BANP: variants seen among roughly 807,000 people sequenced by gnomAD.
BANP encodes BTG3 associated nuclear protein.
In BANP, 11 loss-of-function variants were observed where a neutral mutation model predicts 68.1. The observed-to-expected ratio is 0.16, with a 90% CI of 0.10 to 0.27. BANP has a LOEUF of 0.27. Among genes scored for constraint, BANP ranks in the 10% least tolerant of loss-of-function variants. The pLI, the probability that BANP is intolerant of heterozygous loss-of-function variation, is 1.00. For missense variants in BANP, 504 were observed against 722.7 expected (o/e 0.70, Z 3.47); for synonymous variants, 329 against 303.2 (o/e 1.09, Z -0.88).
At chr16:87,985,041 C>T (rs1168230671) in intron 4 of BANP, among the ~76,000 whole-genome samples, 6 of 151,946 alleles carry the variant, frequency 3.9e-5, no homozygotes, top group East Asian at 1.9e-4. Flanking sequence ...GCGGGGGCGC[C>T]GGGGAGGACA....
chr16:87,996,843 A>C (rs566950996), intron 4 of BANP, among the ~76,000 whole-genome samples: 2 of 152,352 alleles, frequency 1.3e-5, no homozygotes, highest in East Asian at 1.9e-4. Context: ...GGCAAACACA[A>C]ATCTGTGAAA....
At chr16:88,005,612 C>T (rs576240716) in intron 5 of BANP, among the ~76,000 whole-genome samples, 61 of 152,298 alleles carry the variant, frequency 4.0e-4, no homozygotes, top group African/African-American at 1.4e-3. Context: ...TAAGCCCCGT[C>T]AGGGTTTTTT....
At chr16:88,020,950 G>C (rs995914310) in intron 7 of BANP, among the ~76,000 whole-genome samples, 6 of 152,220 alleles carry the variant, frequency 3.9e-5, no homozygotes, top group Non-Finnish European at 8.8e-5. Context: ...TCTGTATTCA[G>C]GGAGTCCATG....
At chr16:88,049,119 G>A (rs924627257) in intron 11 of BANP, among the ~76,000 whole-genome samples, 4 of 152,048 alleles carry the variant, frequency 2.6e-5, no homozygotes, top group African/African-American at 9.7e-5. Context: ...GTTCTGACAC[G>A]GAGACAGCGT....
upstream of BANP, chr16:87,949,667 C>T (rs1268193819): frequency 6.6e-6 from 1 of 152,208 alleles, no homozygotes; most frequent in Non-Finnish European, 1.5e-5. Context: ...AAGGCTCCTC[C>T]TTGGAGTGTT....
chr16:88,071,622 A>C lies in BANP; in HGVS notation c.1378-447A>C. 5 of 459,192 alleles carry C rather than the reference A, an allele frequency of 1.1e-5. No individual in the cohort carries two copies. Among genetic ancestry groups the C allele is most frequent in the Non-Finnish European group, 2.2e-5 (5 of 228,812 alleles). 28.4% of individuals were successfully genotyped at this position (459,192 alleles called of 1,614,324 possible). On this transcript the variant is annotated intron_variant, in intron 12 of 13. Coordinates refer to ENST00000682872, the MANE Select transcript of BANP (RefSeq NM_001386991.1). This position sits in a 1 kb window ranked among gnomAD's most constrained non-coding sequence, Gnocchi z 6.5. Reference sequence around the variant, plus strand: ...CCCTTGAGGTCACTCTGCCTTGGGAATGGGGAGGGTTTGGGTCTCAGCCTC... The same window carrying C: ...CCCTTGAGGTCACTCTGCCTTGGGACTGGGGAGGGTTTGGGTCTCAGCCTC...
intron 12 of BANP, among the ~76,000 whole-genome samples, chr16:88,067,418 C>T (rs1284238597): frequency 6.6e-6 from 1 of 152,144 alleles, no homozygotes; most frequent in African/African-American, 2.4e-5. Context: ...GAGCTGGAAC[C>T]AGGCTGTGAC....
chr16:87,985,755 G>A (rs184349624), intron 4 of BANP, among the ~76,000 whole-genome samples: 6 of 152,272 alleles, frequency 3.9e-5, no homozygotes, highest in East Asian at 1.9e-4. Flanking sequence ...CCCTGCAGAC[G>A]GACCCAGGTG....
At position 88,027,612 on chromosome 16, in the gene BANP, C is replaced by T. The variant is rs765943179; in HGVS notation, c.1025C>T (p.Ser342Leu). 11 of 1,613,822 alleles carry T rather than the reference C, an allele frequency of 6.8e-6. No homozygotes were observed. The highest frequency in any genetic ancestry group is 1.7e-4 in the Middle Eastern group (1 of 5,960). The stretch of plus-strand genomic sequence containing the variant: ...CAGAGCCTGGCGGTCAAGAGCTTCT[C>T]GCGGAGAACGCCCAACTCGTCCTCC... ...RGQSLAVKSFSRRTPNSSSYC... is the reference protein window; with the variant it reads ...RGQSLAVKSFLRRTPNSSSYC... Residue 342 changes from serine to leucine, a missense_variant, in exon 8 of 14, where the codon TCG (serine) becomes TTG (leucine). Ser to Leu is a moderately radical substitution (Grantham distance 145, BLOSUM62 -2). Coordinates refer to ENST00000682872, the MANE Select transcript of BANP (RefSeq NM_001386991.1).
intron 6 of BANP, among the ~76,000 whole-genome samples, chr16:88,013,046 T>C (rs1396017675): frequency 6.6e-6 from 1 of 152,206 alleles, no homozygotes; most frequent in Non-Finnish European, 1.5e-5. Flanking sequence ...AGAAAAGGCA[T>C]CATTTAAACT....
chr16:88,009,174 A>G (rs545926231), intron 6 of BANP, among the ~76,000 whole-genome samples: 1 of 152,314 alleles, frequency 6.6e-6, no homozygotes, highest in Admixed American at 6.5e-5. Flanking sequence ...TGTGCCGAGA[A>G]TGGGGCCAGC....
intron 7 of BANP, among the ~76,000 whole-genome samples, chr16:88,026,162 G>A (rs901216912): frequency 6.6e-6 from 1 of 152,236 alleles, no homozygotes; most frequent in African/African-American, 2.4e-5. Flanking sequence ...GTAGAGAACT[G>A]GGGGTCCCAG....
At chr16:87,999,223 T>C (rs1598294397) in intron 4 of BANP, among the ~76,000 whole-genome samples, 1 of 122,674 alleles carries the variant, frequency 8.2e-6, no homozygotes, top group Non-Finnish European at 1.7e-5. Flanking sequence ...TCCAGACACG[T>C]CTCCATGCAC....
At chr16:87,958,217 C>T (rs1488914627) in intron 1 of BANP, among the ~76,000 whole-genome samples, 2 of 152,190 alleles carry the variant, frequency 1.3e-5, no homozygotes, top group Non-Finnish European at 2.9e-5. Context: ...TCCCTAGAAA[C>T]TGACATTGGT....
At chr16:87,956,785 C>T (rs1057465914) in intron 1 of BANP, 1 of 152,230 alleles carries the variant, frequency 6.6e-6, no homozygotes. Context: ...AGACTCCACT[C>T]TGGCCCCCCC....
Position 87,975,083 on chromosome 16 carries a change from T to C in BANP, c.-33T>C, listed in dbSNP as rs918333043. The C allele has an allele frequency of 6.3e-7, 1 of 1,595,772 alleles. No homozygotes were observed. Among genetic ancestry groups the C allele is most frequent in the Non-Finnish European group, 8.6e-7 (1 of 1,166,170 alleles). On this transcript the variant is annotated 5_prime_UTR_variant, in exon 2 of 14. Coordinates refer to ENST00000682872, the MANE Select transcript of BANP (RefSeq NM_001386991.1). The stretch of plus-strand genomic sequence containing the variant: ...GCCAGCCCCACTGTGAGTTGAACTC[T>C]TTCGTGTTGACCGGCCACTCTCCGT...
chr16:88,050,599 G>A (rs543820870), intron 11 of BANP, among the ~76,000 whole-genome samples: 44 of 152,236 alleles, frequency 2.9e-4, no homozygotes, highest in Non-Finnish European at 5.7e-4. Context: ...ATTAGGACCA[G>A]GCACGAGTGA....
chr16:88,058,824 T>C (rs1179499649), intron 11 of BANP, among the ~76,000 whole-genome samples: 1 of 152,154 alleles, frequency 6.6e-6, no homozygotes, highest in African/African-American at 2.4e-5. Flanking sequence ...CCTAGAATTA[T>C]TTTCATGTGT....
At chr16:88,059,136 G>C (rs1348692393) in intron 11 of BANP, among the ~76,000 whole-genome samples, 2 of 151,196 alleles carry the variant, frequency 1.3e-5, no homozygotes, top group Admixed American at 6.6e-5. Flanking sequence ...CTGGTGTGCT[G>C]AGGTCCGTGC....
Sources: gnomAD v4.1 joint callset for allele counts (sites outside exome capture counted in the v4.1 genomes callset) on GRCh38, gnomAD v4.1.1 for gene constraint, Gnocchi (gnomAD v3.1) non-coding constraint, MANE v1.5 for transcripts, NCBI Gene and HGNC (gene_info 2026-07-23, HGNC 2026-07-21) for gene names.